The following SLC5A4 variants were observed in gnomAD, a reference collection of about 807,000 sequenced individuals.
The protein encoded by SLC5A4 is solute carrier family 5 member 4, also known as probable glucose sensor protein SLC5A4.
SLC5A4 carries 55 observed loss-of-function variants against 70.3 expected under a neutral mutation model. The observed-to-expected ratio is 0.78, with a 90% CI of 0.63 to 0.98. The LOEUF (loss-of-function observed/expected upper bound fraction) is 0.98, where lower values mean the gene tolerates loss of function less well. SLC5A4 is among the 50% of genes least tolerant of loss of function. The pLI is 0.00. For synonymous variants in SLC5A4, 268 were observed against 305.7 expected (o/e 0.88, Z 1.29); for missense variants, 735 against 839.2 (o/e 0.88, Z 1.53).
chr22:32,353,176 A>C, the SLC5A4 span, among the ~76,000 whole-genome samples: 2 of 152,048 alleles, frequency 1.3e-5, no homozygotes, highest in Admixed American at 1.3e-4. Flanking sequence ...TGGAGTGGGG[A>C]CTGGAGACAC....
the SLC5A4 span, among the ~76,000 whole-genome samples, chr22:32,283,038 C>A: frequency 6.6e-6 from 1 of 152,248 alleles, no homozygotes; most frequent in Non-Finnish European, 1.5e-5. Context: ...CTCCTTTTCA[C>A]CTGAAATGCA....
At chr22:32,333,695 A>C in the SLC5A4 span, among the ~76,000 whole-genome samples, 1 of 152,042 alleles carries the variant, frequency 6.6e-6, no homozygotes, top group South Asian at 2.1e-4. Context: ...TGCTTCCCCA[A>C]CGTCCTTTCT....
At chr22:32,334,928 A>G in the SLC5A4 span, among the ~76,000 whole-genome samples, 2 of 152,150 alleles carry the variant, frequency 1.3e-5, no homozygotes, top group African/African-American at 4.8e-5. Flanking sequence ...GAGTTTCCAC[A>G]CTTGTAGGAG....
chr22:32,352,927 G>A, the SLC5A4 span, among the ~76,000 whole-genome samples: 72 of 152,226 alleles, frequency 4.7e-4, no homozygotes, highest in African/African-American at 1.7e-3. Context: ...ACCACAGCGA[G>A]GCGAGCGGTG....
the SLC5A4 span, among the ~76,000 whole-genome samples, chr22:32,333,209 AAG>A: frequency 7.5e-6 from 1 of 132,970 alleles, no homozygotes; most frequent in African/African-American, 2.6e-5. Flanking sequence ...CCCCCCCCAG[AAG>A]ACTCAGACCA....
the SLC5A4 span, among the ~76,000 whole-genome samples, chr22:32,330,573 TGGGGGCTGTGGTGTGTGTGTGTGTGTA>T: frequency 3.5e-5 from 4 of 115,790 alleles, no homozygotes; most frequent in East Asian, 1.0e-3. Context: ...CTGTGTGTGT[TGGGGGCTGTGGTGTGTGTGTGTGTGTA>T]GGAAACTGTT....
chr22:32,241,464 A>G (rs937543180), intron 5 of SLC5A4, among the ~76,000 whole-genome samples: 5 of 152,226 alleles, frequency 3.3e-5, no homozygotes, highest in Admixed American at 3.3e-4. Context: ...GAGAACTGCA[A>G]ATAAGTTCTG....
At chr22:32,321,294 A>ATAAG in the SLC5A4 span, among the ~76,000 whole-genome samples, 2 of 151,046 alleles carry the variant, frequency 1.3e-5, no homozygotes, top group South Asian at 4.2e-4. Flanking sequence ...CTCTAAATAA[A>ATAAG]TACAAAACTT....
At chr22:32,354,794 A>C in the SLC5A4 span, 1 of 152,198 alleles carries the variant, frequency 6.6e-6, no homozygotes, top group Non-Finnish European at 1.5e-5. Flanking sequence ...CCACCACGCC[A>C]CGCCACAGGC....
At chr22:32,294,407 C>A in the SLC5A4 span, among the ~76,000 whole-genome samples, 1 of 152,118 alleles carries the variant, frequency 6.6e-6, no homozygotes, top group Non-Finnish European at 1.5e-5. Flanking sequence ...CAGAGACATT[C>A]TTTTACTTGG....
chr22:32,306,588 C>T, the SLC5A4 span, among the ~76,000 whole-genome samples: 1 of 152,152 alleles, frequency 6.6e-6, no homozygotes, highest in Admixed American at 6.5e-5. Flanking sequence ...GTTATCAGCT[C>T]TCAGAGAGAC....
At chr22:32,224,511 A>T in intron 12 of SLC5A4, 29 bp from the exon 13 acceptor site, 1 of 1,536,704 alleles carries the variant, frequency 6.5e-7, no homozygotes, top group African/African-American at 1.4e-5. Flanking sequence ...GAAAATCAGA[A>T]TGTTTAGAAA....
intron 14 of SLC5A4, among the ~76,000 whole-genome samples, chr22:32,220,522 C>A (rs192330386): frequency 6.6e-6 from 1 of 151,904 alleles, no homozygotes; most frequent in African/African-American, 2.4e-5. Flanking sequence ...GGGAGCTTGG[C>A]GCATGTGGAA....
intron 11 of SLC5A4, among the ~76,000 whole-genome samples, chr22:32,227,779 A>G (rs561196358): frequency 6.6e-6 from 1 of 152,208 alleles, no homozygotes; most frequent in East Asian, 1.9e-4. Context: ...TACTAAAAAT[A>G]CAAAAATTAG....
intron 2 of SLC5A4, among the ~76,000 whole-genome samples, chr22:32,253,278 T>C (rs1402666070): frequency 1.3e-5 from 2 of 152,166 alleles, no homozygotes; most frequent in African/African-American, 2.4e-5. Flanking sequence ...TCTGCTGCAG[T>C]GGGACCCTGG....
At chr22:32,268,081 G>A in the SLC5A4 span, among the ~76,000 whole-genome samples, 1 of 152,270 alleles carries the variant, frequency 6.6e-6, no homozygotes, top group South Asian at 2.1e-4. Context: ...CCGAGATGGC[G>A]CCACTGCACT....
the SLC5A4 span, among the ~76,000 whole-genome samples, chr22:32,344,553 T>C: frequency 5.3e-5 from 8 of 152,316 alleles, no homozygotes; most frequent in African/African-American, 1.7e-4. Flanking sequence ...ATTAAATCCA[T>C]GTAAATATCC....
the SLC5A4 span, among the ~76,000 whole-genome samples, chr22:32,312,386 C>CACACACAT: frequency 0.19 from 28,021 of 150,182 alleles, 3,121 homozygotes; most frequent in South Asian, 0.35. Context: ...CACACACACA[C>CACACACAT]GCACATTCAA....
At chr22:32,291,925 T>C in the SLC5A4 span, among the ~76,000 whole-genome samples, 2 of 144,760 alleles carry the variant, frequency 1.4e-5, no homozygotes, top group Admixed American at 1.4e-4. Context: ...CAGGCTGGAG[T>C]GCAATGGCAC....
Sources: allele counts gnomAD v4.1 joint callset (sites outside exome capture counted in the v4.1 genomes callset), GRCh38; gene constraint gnomAD v4.1.1; transcripts MANE v1.5; gene names NCBI Gene and HGNC (gene_info 2026-07-23, HGNC 2026-07-21).